Variants in NEURL1B observed in about 807,000 individuals in gnomAD.
NEURL1B encodes the protein E3 ubiquitin-protein ligase NEURL1B.
In NEURL1B, 13 loss-of-function variants were observed where a neutral mutation model predicts 37.4. That is an observed-to-expected ratio of 0.35 (90% CI 0.23 to 0.55). The LOEUF (loss-of-function observed/expected upper bound fraction) is 0.55, where lower values mean the gene tolerates loss of function less well. Ranked by LOEUF, NEURL1B falls within the 20% of genes least tolerant of loss-of-function variation. The pLI is 0.89. For missense variants in NEURL1B, 790 were observed against 879.2 expected, an observed-to-expected ratio of 0.90 and a Z score of 1.28; for synonymous variants, 432 against 426.6, an observed-to-expected ratio of 1.01 and a Z score of -0.16.
chr5:172,674,951 C>A (rs1758203602), intron 2 of NEURL1B, among the ~76,000 whole-genome samples: 1 of 152,160 alleles, frequency 6.6e-6, no homozygotes, highest in Non-Finnish European at 1.5e-5. Context: ...CTCACTGCAA[C>A]CTCTGCCTCC....
Position 172,686,175 on chromosome 5 carries a change from C to G in NEURL1B, c.1302C>G (p.Thr434=). 3.2e-6 allele frequency: 5 copies of G among 1,551,588 alleles called. No individual in the cohort carries two copies. The highest frequency in any genetic ancestry group is 1.2e-5 in the South Asian group (1 of 84,048). ...TGGAATCTCTTTGGGCCTCAGGTAC[C>G]CTGCAGTCCAGCCCTGCGACCACGA... ...GVAGQLRLLG[T]LQSSPATTTP... The change falls in exon 4 of 5, where the codon ACC becomes ACG. Residue 434 remains threonine, a synonymous_variant. Coordinates refer to ENST00000369800, the MANE Select transcript of NEURL1B (RefSeq NM_001142651.3). This position sits in a 1 kb window ranked among gnomAD's most constrained non-coding sequence, Gnocchi z 7.9.
Position 172,683,285 on chromosome 5 carries a change from C to A in NEURL1B, c.578-134C>A. ...AGATGGACAAAAGGAGAGTTCGAAG[C>A]CGGGGTGGGGTGGGGGCTGCTCGAG... On this transcript the variant is annotated intron_variant, in intron 2 of 4. Coordinates refer to ENST00000369800, the MANE Select transcript of NEURL1B (RefSeq NM_001142651.3). This position sits in a 1 kb window ranked among gnomAD's most constrained non-coding sequence, Gnocchi z 5.6. 9.7e-7 allele frequency: 1 copy of A among 1,030,984 alleles called. No individual in the cohort carries two copies. The highest frequency in any genetic ancestry group is 1.2e-6 in the Non-Finnish European group (1 of 803,742). 63.9% of individuals were successfully genotyped at this position (1,030,984 alleles called of 1,614,324 possible). A position where few individuals can be genotyped will look rare whatever the true frequency, so the allele number is the denominator to read the frequency against.
At chr5:172,654,922 A>G (rs1455063701) in intron 1 of NEURL1B, among the ~76,000 whole-genome samples, 1 of 151,976 alleles carries the variant, frequency 6.6e-6, no homozygotes, top group African/African-American at 2.4e-5. Flanking sequence ...TTTCTTAACT[A>G]CTTGTATATC....
rs1758215070 is a variant in NEURL1B at position 172,675,412 on chromosome 5, C to T, written c.577+5082C>T. On this transcript the variant is annotated intron_variant, in intron 2 of 4. Coordinates refer to ENST00000369800, the MANE Select transcript of NEURL1B (RefSeq NM_001142651.3). The surrounding 1 kb of genome is among the most constrained non-coding windows in gnomAD (Gnocchi z 4.7). Reference sequence around the variant, plus strand: ...GACAGTACTGTAGGGTGCATTGTCTCAGGGCTGCTCTATGCTTGTTTAATG... The same window carrying T: ...GACAGTACTGTAGGGTGCATTGTCTTAGGGCTGCTCTATGCTTGTTTAATG... 2.0e-5 allele frequency among the ~76,000 whole-genome samples: 3 copies of T among 152,042 alleles called. 1 individual carries two copies. Among genetic ancestry groups the T allele is most frequent in the African/African-American group, 7.2e-5 (3 of 41,380 alleles).
At chr5:172,642,103 G>A (rs1297128437) in intron 1 of NEURL1B, among the ~76,000 whole-genome samples, 2 of 152,232 alleles carry the variant, frequency 1.3e-5, no homozygotes, top group Non-Finnish European at 2.9e-5. Flanking sequence ...CGGGGTAGGA[G>A]GAGGCCTTAC....
rs1001283839 is a variant in NEURL1B, at chr5:172,672,372, C to A, written c.577+2042C>A. 3.9e-5 allele frequency among the ~76,000 whole-genome samples: 6 copies of A among 152,286 alleles called. No homozygotes were observed. The East Asian group carries it at 9.6e-4, about 24-fold the overall frequency. On this transcript the variant is annotated intron_variant, in intron 2 of 4. Coordinates refer to ENST00000369800, the MANE Select transcript of NEURL1B (RefSeq NM_001142651.3). ...TCTTTTTTCCTATCCAGCAGGGAAG[C>A]AATCCCACCTCACTCACCTGCTCAT...
At chr5:172,663,486 A>C (rs1344805076) in intron 1 of NEURL1B, among the ~76,000 whole-genome samples, 1 of 143,588 alleles carries the variant, frequency 7.0e-6, no homozygotes, top group Non-Finnish European at 1.5e-5. Flanking sequence ...ACACCACTGC[A>C]CTCCAGCCTG....
rs970908379 is a variant in NEURL1B, at chr5:172,657,180, G to C, written c.32-12605G>C. On this transcript the variant is annotated intron_variant, in intron 1 of 4. Coordinates refer to ENST00000369800, the MANE Select transcript of NEURL1B (RefSeq NM_001142651.3). This position sits in a 1 kb window ranked among gnomAD's most constrained non-coding sequence, Gnocchi z 4.0. The stretch of plus-strand genomic sequence containing the variant: ...TGCTGTTTATCTGCCTCATGAACTT[G>C]TGCCAGCCCCTTACCCTCTCTGGGC... 2.0e-5 allele frequency among the ~76,000 whole-genome samples: 3 copies of C among 152,158 alleles called. No individual in the cohort carries two copies. The highest frequency in any genetic ancestry group is 1.3e-4 in the Admixed American group (2 of 15,272).
chr5:172,688,642 C>T lies in NEURL1B; in HGVS notation c.*1717C>T, dbSNP rs1758562540. On this transcript the variant is annotated 3_prime_UTR_variant, in exon 5 of 5. Coordinates refer to ENST00000369800, the MANE Select transcript of NEURL1B (RefSeq NM_001142651.3). This position sits in a 1 kb window ranked among gnomAD's most constrained non-coding sequence, Gnocchi z 4.3. ...GTCTGACCTGATTCCAACTTAAGGTCCCCACTCTCTTGCCCCATCAAGAAT... is the reference window on the plus strand; with the variant it reads ...GTCTGACCTGATTCCAACTTAAGGTTCCCACTCTCTTGCCCCATCAAGAAT... 1 of 152,226 alleles carries T rather than the reference C, an allele frequency of 6.6e-6. No homozygotes were observed. The highest frequency in any genetic ancestry group is 1.5e-5 in the Non-Finnish European group (1 of 68,042). 9.4% of individuals were successfully genotyped at this position (152,226 alleles called of 1,614,324 possible).
chr5:172,650,847 T>C (rs1192630566), intron 1 of NEURL1B, among the ~76,000 whole-genome samples: 1 of 152,262 alleles, frequency 6.6e-6, no homozygotes, highest in Admixed American at 6.5e-5. Context: ...CTAATTCCGA[T>C]TGGCTAATTT....
chr5:172,686,732 C>T lies in NEURL1B; in HGVS notation c.1475C>T (p.Pro492Leu). The change falls in exon 5 of 5, where the codon CCA becomes CTA. Residue 492 changes from proline to leucine, a missense_variant. This residue lies in a region of NEURL1B where 115 missense variants were observed against 162.6 expected (regional missense o/e 0.71). Coordinates refer to ENST00000369800, the MANE Select transcript of NEURL1B (RefSeq NM_001142651.3). This position sits in a 1 kb window ranked among gnomAD's most constrained non-coding sequence, Gnocchi z 7.9. Reference sequence around the variant, plus strand: ...CCCCCGGTGTCCCCCGTGTTCTCCCCACCGGAGCCGGCAGGCATCAAGAAT... The same window carrying T: ...CCCCCGGTGTCCCCCGTGTTCTCCCTACCGGAGCCGGCAGGCATCAAGAAT... ...LSPPVSPVFSPPEPAGIKNGE... is the reference protein window; with the variant it reads ...LSPPVSPVFSLPEPAGIKNGE... 1.3e-6 allele frequency: 2 copies of T among 1,551,506 alleles called. No individual in the cohort carries two copies. Among genetic ancestry groups the T allele is most frequent in the Non-Finnish European group, 1.7e-6 (2 of 1,147,040 alleles).
At chr5:172,642,946 C>T (rs757736955) in intron 1 of NEURL1B, among the ~76,000 whole-genome samples, 2 of 152,236 alleles carry the variant, frequency 1.3e-5, no homozygotes, top group Non-Finnish European at 2.9e-5. Flanking sequence ...TGAGGCACCT[C>T]GGCACAGGCC....
chr5:172,655,727 G>GTT (rs74431507), intron 1 of NEURL1B, among the ~76,000 whole-genome samples: 42 of 137,540 alleles, frequency 3.1e-4, no homozygotes, highest in African/African-American at 9.3e-4. Flanking sequence ...GCCAGTGTTT[G>GTT]TTTTTTTTTT....
rs184448255 is a variant in NEURL1B at position 172,665,026 on chromosome 5, C to T, written c.32-4759C>T. 1.6e-4 allele frequency among the ~76,000 whole-genome samples: 24 copies of T among 152,296 alleles called. No homozygotes were observed. The East Asian group carries it at 2.1e-3, about 13-fold the overall frequency. On this transcript the variant is annotated intron_variant, in intron 1 of 4. Coordinates refer to ENST00000369800, the MANE Select transcript of NEURL1B (RefSeq NM_001142651.3). The surrounding 1 kb of genome is among the most constrained non-coding windows in gnomAD (Gnocchi z 4.1). ...CCCAGTATTCATTTAAATTGCAGGCCGCTCTTAAAGAACATCTCTTGGGAT... is the reference window on the plus strand; with the variant it reads ...CCCAGTATTCATTTAAATTGCAGGCTGCTCTTAAAGAACATCTCTTGGGAT...
Position 172,683,397 on chromosome 5 carries a change from G to C in NEURL1B, c.578-22G>C. 1 of 1,310,794 alleles carries C rather than the reference G, an allele frequency of 7.6e-7. No homozygotes were observed. The highest frequency in any genetic ancestry group is 9.8e-7 in the Non-Finnish European group (1 of 1,023,836). The allele number at this position is 1,310,794 out of a possible 1,614,324, so 81.2% of individuals were successfully genotyped here. The stretch of plus-strand genomic sequence containing the variant: ...TGACGCGCGGCCTCTCCCCCTCCAT[G>C]TCCCTCCCTTTGTCCGCACAGAGAG... On this transcript the variant is annotated intron_variant, in intron 2 of 4. Transcript: ENST00000369800. This position sits in a 1 kb window ranked among gnomAD's most constrained non-coding sequence, Gnocchi z 5.6.
In NEURL1B at chr5:172,670,260, C is replaced by G; in HGVS notation, c.507C>G (p.Gly169=). The G allele has an allele frequency of 7.2e-7, 1 of 1,391,118 alleles. No homozygotes were observed. Among genetic ancestry groups the G allele is most frequent in the Non-Finnish European group, 9.3e-7 (1 of 1,076,966 alleles). The allele number at this position is 1,391,118 out of a possible 1,614,324, so 86.2% of individuals were successfully genotyped here. ...GCGAGCCGGTGCTCTTCCACTGCGGCGTGGCCGTGGGCGGCCCGCTCTGGG... is the reference window on the plus strand; with the variant it reads ...GCGAGCCGGTGCTCTTCCACTGCGGGGTGGCCGTGGGCGGCCCGCTCTGGG... The part of the protein sequence containing the change: ...NDGEPVLFHC[G]VAVGGPLWAL... Residue 169 remains glycine, a synonymous_variant, in exon 2 of 5, where the codon GGC becomes GGG. Coordinates refer to ENST00000369800, the MANE Select transcript of NEURL1B (RefSeq NM_001142651.3).
At chr5:172,664,495 G>A (rs1308679439) in intron 1 of NEURL1B, among the ~76,000 whole-genome samples, 6 of 143,204 alleles carry the variant, frequency 4.2e-5, no homozygotes, top group South Asian at 5.1e-4. Context: ...GGGTGGGGGG[G>A]ACGGGTAGAT....
chr5:172,673,886 C>T (rs1758179002), intron 2 of NEURL1B, among the ~76,000 whole-genome samples: 1 of 151,106 alleles, frequency 6.6e-6, no homozygotes, highest in African/African-American at 2.4e-5. Context: ...CATCTGTAAT[C>T]CCAGCACTTT....
At chr5:172,679,129 G>A (rs545557602) in intron 2 of NEURL1B, among the ~76,000 whole-genome samples, 1 of 152,396 alleles carries the variant, frequency 6.6e-6, no homozygotes, top group East Asian at 1.9e-4. Context: ...TCCCGGTGCT[G>A]GGCTGCTCTC....
Sources: allele counts gnomAD v4.1 joint callset (sites outside exome capture counted in the v4.1 genomes callset), GRCh38; gene constraint gnomAD v4.1.1; regional missense constraint gnomAD v4.1.1; non-coding constraint Gnocchi (gnomAD v3.1); transcripts MANE v1.5; gene names NCBI Gene and HGNC (gene_info 2026-07-23, HGNC 2026-07-21).